ZNF264: variants seen among roughly 807,000 people sequenced by gnomAD.
The protein encoded by ZNF264 is zinc finger protein 264.
Under a neutral mutation model 11.2 loss-of-function variants are expected in ZNF264, and 11 were observed. The observed-to-expected ratio is 0.98, with a 90% CI of 0.62 to 1.63. ZNF264 has a LOEUF of 1.63. ZNF264 is among the 40% of genes most tolerant of loss of function. The pLI, the probability that ZNF264 is intolerant of heterozygous loss-of-function variation, is 0.00. For missense variants in ZNF264, 752 were observed against 768.1 expected, an observed-to-expected ratio of 0.98 and a Z score of 0.25; for synonymous variants, 309 against 279.8, an observed-to-expected ratio of 1.10 and a Z score of -1.04.
At chr19:57,203,066 G>A (rs2087265119) in intron 2 of ZNF264, among the ~76,000 whole-genome samples, 1 of 152,172 alleles carries the variant, frequency 6.6e-6, no homozygotes, top group Non-Finnish European at 1.5e-5. Flanking sequence ...TTGTCATGGT[G>A]TGAGAGTAGA....
At position 57,219,911 on chromosome 19, in the gene ZNF264, A is replaced by T. The variant is rs1294513907; in HGVS notation, c.*6930A>T. The stretch of plus-strand genomic sequence containing the variant: ...TGTGGCCATGGCCCTGGCCGTGGGG[A>T]TGCACCCATAATTATAATGAGAGCA... On this transcript the variant is annotated 3_prime_UTR_variant, in exon 4 of 4. Coordinates refer to ENST00000263095, the MANE Select transcript of ZNF264 (RefSeq NM_003417.5). 1 of 152,262 alleles carries T rather than the reference A, an allele frequency of 6.6e-6. No homozygotes were observed. The highest frequency in any genetic ancestry group is 1.5e-5 in the Non-Finnish European group (1 of 68,056). The allele number at this position is 152,262 out of a possible 1,614,324, so 9.4% of individuals were successfully genotyped here.
rs2087403483 is a variant in ZNF264 at position 57,219,671 on chromosome 19, T to G, written c.*6690T>G. On this transcript the variant is annotated 3_prime_UTR_variant, in exon 4 of 4. Coordinates refer to ENST00000263095, the MANE Select transcript of ZNF264 (RefSeq NM_003417.5). ...GTGTCTTCCTTCCAACTCTTAAACA[T>G]TTTTGTTTCCCAGAATCCATCATTG... 6.6e-6 allele frequency: 1 copy of G among 152,254 alleles called. No homozygotes were observed. The highest frequency in any genetic ancestry group is 1.5e-5 in the Non-Finnish European group (1 of 68,054). The allele number at this position is 152,254 out of a possible 1,614,324, so 9.4% of individuals were successfully genotyped here. A position where few individuals can be genotyped will look rare whatever the true frequency, so the allele number is the denominator to read the frequency against.
At chr19:57,205,016 A>G (rs907228431) in intron 2 of ZNF264, among the ~76,000 whole-genome samples, 3 of 152,182 alleles carry the variant, frequency 2.0e-5, no homozygotes, top group Non-Finnish European at 4.4e-5. Context: ...ATGCTGTGAG[A>G]AAATCCTCAG....
At chr19:57,194,717 G>C (rs950814231) in intron 2 of ZNF264, 2 of 398,804 alleles carry the variant, frequency 5.0e-6, no homozygotes, top group African/African-American at 4.1e-5. Flanking sequence ...AGATTAAGGG[G>C]GGGGTCTGCC....
At chr19:57,194,881 T>G in intron 2 of ZNF264, 1 of 400,092 alleles carries the variant, frequency 2.5e-6, no homozygotes. Context: ...CTCTTTAAAT[T>G]TAACGACTGT....
At chr19:57,201,075 A>T (rs1568473376) in intron 2 of ZNF264, among the ~76,000 whole-genome samples, 1 of 151,952 alleles carries the variant, frequency 6.6e-6, no homozygotes, top group Non-Finnish European at 1.5e-5. Flanking sequence ...GTATATATAT[A>T]CAACTTATTT....
Position 57,217,153 on chromosome 19 carries a change from C to A in ZNF264, c.*4172C>A, listed in dbSNP as rs2122775502. On this transcript the variant is annotated 3_prime_UTR_variant, in exon 4 of 4. Coordinates refer to ENST00000263095, the MANE Select transcript of ZNF264 (RefSeq NM_003417.5). ...AATAAAAATTCAAGTGTGGTTTCTACTGAATGCATGTCGCATTCGCACCAT... is the reference window on the plus strand; with the variant it reads ...AATAAAAATTCAAGTGTGGTTTCTAATGAATGCATGTCGCATTCGCACCAT... 1 of 152,324 alleles carries A rather than the reference C, an allele frequency of 6.6e-6. No homozygotes were observed. The highest frequency in any genetic ancestry group is 1.9e-4 in the East Asian group (1 of 5,188). The allele number at this position is 152,324 out of a possible 1,614,324, so 9.4% of individuals were successfully genotyped here. A position where few individuals can be genotyped will look rare whatever the true frequency, so the allele number is the denominator to read the frequency against.
In ZNF264 at chr19:57,212,742, A is replaced by G. The variant is rs2087350283; in HGVS notation, c.1645A>G (p.Ser549Gly). ...ATGTAGTGAATGTGGAAAGGCCTTC[A>G]GTCGCAGCTCGTCCCTCACTCAGCA... Reference protein sequence around the residue: ...YKCSECGKAFSRSSSLTQHQR... With the variant: ...YKCSECGKAFGRSSSLTQHQR... The change falls in exon 4 of 4, where the codon AGT becomes GGT. Residue 549 changes from serine to glycine, a missense_variant. Ser to Gly is a moderately conservative substitution (Grantham distance 56). Transcript: ENST00000263095. 6.2e-7 allele frequency: 1 copy of G among 1,614,104 alleles called. No homozygotes were observed. The highest frequency in any genetic ancestry group is 8.5e-7 in the Non-Finnish European group (1 of 1,180,014).
At chr19:57,210,087 G>C (rs2087323584) in intron 3 of ZNF264, among the ~76,000 whole-genome samples, 1 of 152,120 alleles carries the variant, frequency 6.6e-6, no homozygotes, top group Non-Finnish European at 1.5e-5. Context: ...GGAATCATGG[G>C]AATCAGCCTC....
chr19:57,211,166 TC>T (rs1437600860), intron 3 of ZNF264, among the ~76,000 whole-genome samples, 187 bp from the exon 4 acceptor site: 1 of 152,118 alleles, frequency 6.6e-6, no homozygotes, highest in Non-Finnish European at 1.5e-5. Context: ...CCCCTAGGTC[TC>T]CCATGCAGAA....
rs977933559 is a variant in ZNF264 at position 57,202,069 on chromosome 19, C to T, written c.161-3328C>T. Among the ~76,000 whole-genome samples, 42 of 151,592 alleles carry T rather than the reference C, an allele frequency of 2.8e-4. 2 individuals carry two copies. Among genetic ancestry groups the T allele is most frequent in the African/African-American group, 8.8e-4 (36 of 41,038 alleles). ...AAAAAAATCAAAAAAATTATCTGGG[C>T]GTGGTGGCACATGCCTGTAGTCCCA... On this transcript the variant is annotated intron_variant, in intron 2 of 3. Coordinates refer to ENST00000263095, the MANE Select transcript of ZNF264 (RefSeq NM_003417.5).
chr19:57,217,345 C>G lies in ZNF264; in HGVS notation c.*4364C>G, dbSNP rs1310831863. 2 of 152,178 alleles carry G rather than the reference C, an allele frequency of 1.3e-5. No individual in the cohort carries two copies. Among genetic ancestry groups the G allele is most frequent in the African/African-American group, 4.8e-5 (2 of 41,434 alleles). 9.4% of individuals were successfully genotyped at this position (152,178 alleles called of 1,614,324 possible). A position where few individuals can be genotyped will look rare whatever the true frequency, so the allele number is the denominator to read the frequency against. ...ACTTCCATTAGGTTCCTTTAGCTTA[C>G]CTACTAATGTAACTATCTTAAGTAA... On this transcript the variant is annotated 3_prime_UTR_variant, in exon 4 of 4. Transcript: ENST00000263095.
At position 57,222,105 on chromosome 19, in the gene ZNF264, T is replaced by G. The variant is rs147116341; in HGVS notation, c.*9124T>G. ...GCTCACGCCTGTGATACCAGCACTT[T>G]TGGGAGGCTGAGGCGGGTGGATCAC... On this transcript the variant is annotated 3_prime_UTR_variant, in exon 4 of 4. Coordinates refer to ENST00000263095, the MANE Select transcript of ZNF264 (RefSeq NM_003417.5). The G allele has an allele frequency of 1.2e-3, 184 of 152,290 alleles. 1 individual carries two copies. The highest frequency in any genetic ancestry group is 4.4e-3 in the African/African-American group (181 of 41,546). 9.4% of individuals were successfully genotyped at this position (152,290 alleles called of 1,614,324 possible).
intron 2 of ZNF264, chr19:57,194,689 A>G: frequency 5.0e-6 from 2 of 396,500 alleles, no homozygotes; most frequent in Non-Finnish European, 8.9e-6. Context: ...CTGGCAGCTG[A>G]TTAGATGGTG....
chr19:57,193,815 G>C (rs2087192778), intron 1 of ZNF264, 60 bp from the exon 2 acceptor site: 1 of 1,600,858 alleles, frequency 6.2e-7, no homozygotes, highest in Non-Finnish European at 8.5e-7. Context: ...GTGGAGCACA[G>C]TCTGTGATCT....
Position 57,220,032 on chromosome 19 carries a change from T to C in ZNF264, c.*7051T>C, listed in dbSNP as rs1351944794. On this transcript the variant is annotated 3_prime_UTR_variant, in exon 4 of 4. Transcript: ENST00000263095. ...TACAGCATCTGTGTGTGGTAGGTAATGTTGTTTCCTTCATTTTGCAGAGCA... is the reference window on the plus strand; with the variant it reads ...TACAGCATCTGTGTGTGGTAGGTAACGTTGTTTCCTTCATTTTGCAGAGCA... 1 of 151,888 alleles carries C rather than the reference T, an allele frequency of 6.6e-6. No homozygotes were observed. Among genetic ancestry groups the C allele is most frequent in the Admixed American group, 6.6e-5 (1 of 15,192 alleles). 9.4% of individuals were successfully genotyped at this position (151,888 alleles called of 1,614,324 possible). A position where few individuals can be genotyped will look rare whatever the true frequency, so the allele number is the denominator to read the frequency against.
chr19:57,192,956 C>T (rs770629789), intron 1 of ZNF264, among the ~76,000 whole-genome samples: 6 of 152,064 alleles, frequency 3.9e-5, no homozygotes, highest in Non-Finnish European at 8.8e-5. Flanking sequence ...GTCTTCAACT[C>T]CTGGCCTCAA....
rs965993668 is a variant in ZNF264 at position 57,214,984 on chromosome 19, T to C, written c.*2003T>C. ...TGTTTGTATTTTGTTGAGGAAATAT[T>C]CCTCTAATTTATTGGCTAATAATGT... On this transcript the variant is annotated 3_prime_UTR_variant, in exon 4 of 4. Coordinates refer to ENST00000263095, the MANE Select transcript of ZNF264 (RefSeq NM_003417.5). 6.6e-6 allele frequency: 1 copy of C among 152,366 alleles called. No homozygotes were observed. The highest frequency in any genetic ancestry group is 1.5e-5 in the Non-Finnish European group (1 of 68,030). The allele number at this position is 152,366 out of a possible 1,614,324, so 9.4% of individuals were successfully genotyped here.
At position 57,194,013 on chromosome 19, in the gene ZNF264, C is replaced by T. The variant is rs747287229; in HGVS notation, c.160+12C>T. 14 of 1,598,130 alleles carry T rather than the reference C, an allele frequency of 8.8e-6. No homozygotes were observed. The highest frequency in any genetic ancestry group is 1.2e-5 in the Non-Finnish European group (14 of 1,171,694). On this transcript the variant is annotated intron_variant, in intron 2 of 3. Transcript: ENST00000263095. Reference sequence around the variant, plus strand: ...CCTGGTGTCTCTGGGTAAGGCCTTCCTTCCCCCTCCACCATGCAGGTGACC... The same window carrying T: ...CCTGGTGTCTCTGGGTAAGGCCTTCTTTCCCCCTCCACCATGCAGGTGACC...
Sources: gnomAD v4.1 joint callset for allele counts (sites outside exome capture counted in the v4.1 genomes callset) on GRCh38, gnomAD v4.1.1 for gene constraint, MANE v1.5 for transcripts, NCBI Gene and HGNC (gene_info 2026-07-23, HGNC 2026-07-21) for gene names.